PTPRT: variants seen among roughly 807,000 people sequenced by gnomAD.
PTPRT encodes the protein protein tyrosine phosphatase receptor type T.
A neutral mutation model predicts 176.8 loss-of-function variants in PTPRT; 56 were observed. The ratio of observed to expected loss-of-function variants is 0.32; its 90% CI spans 0.26 to 0.40. The LOEUF (loss-of-function observed/expected upper bound fraction) is 0.40. PTPRT is among the 10% of genes least tolerant of loss of function. PTPRT has a pLI of 1.00. For missense variants in PTPRT, 1,540 were observed against 1,908.2 expected (o/e 0.81, Z 3.60); for synonymous variants, 783 against 739.0 (o/e 1.06, Z -0.96).
intron 1 of PTPRT, among the ~76,000 whole-genome samples, chr20:43,064,852 C>A (rs961178012): frequency 1.3e-5 from 2 of 152,164 alleles, no homozygotes; most frequent in Non-Finnish European, 2.9e-5. Context: ...TCCAACAGGC[C>A]GATAAATCCC....
chr20:42,712,800 C>T (rs1259285019), intron 6 of PTPRT, among the ~76,000 whole-genome samples: 1 of 152,144 alleles, frequency 6.6e-6, no homozygotes, highest in Non-Finnish European at 1.5e-5. Context: ...TAAAGATATG[C>T]TTGCACAGTG....
chr20:42,845,058 A>G (rs1157932721), intron 2 of PTPRT, among the ~76,000 whole-genome samples: 1 of 152,170 alleles, frequency 6.6e-6, no homozygotes, highest in East Asian at 1.9e-4. Flanking sequence ...GGTAAGGATG[A>G]AGATGCCCCT....
chr20:42,427,394 A>C (rs535084408), intron 9 of PTPRT, among the ~76,000 whole-genome samples: 1 of 152,332 alleles, frequency 6.6e-6, no homozygotes, highest in Admixed American at 6.5e-5. Flanking sequence ...AAATTACCAC[A>C]GACTGGGTAA....
Position 42,073,037 on chromosome 20 carries a change from CT to C in PTPRT, c.*7841del. ...AAAAAGTTGATTTATTTTGTTTTCT[CT>C]TCTCATACGTGCTTTATCTATCAAA... On this transcript the variant is annotated 3_prime_UTR_variant, in exon 31 of 31. Coordinates refer to ENST00000373187, the MANE Select transcript of PTPRT (RefSeq NM_007050.6). 4.5e-6 allele frequency: 1 copy of C among 221,210 alleles called. No individual in the cohort carries two copies. Among genetic ancestry groups the C allele is most frequent in the Non-Finnish European group, 9.1e-6 (1 of 110,216 alleles). 13.7% of individuals were successfully genotyped at this position (221,210 alleles called of 1,614,324 possible).
At chr20:42,785,108 CACT>C (rs1312121419) in intron 3 of PTPRT, among the ~76,000 whole-genome samples, 1 of 152,132 alleles carries the variant, frequency 6.6e-6, no homozygotes, top group Non-Finnish European at 1.5e-5. Context: ...CAAAATATCA[CACT>C]ACACCCTCTA....
At chr20:42,648,276 C>G (rs942808649) in intron 7 of PTPRT, among the ~76,000 whole-genome samples, 1 of 152,106 alleles carries the variant, frequency 6.6e-6, no homozygotes, top group African/African-American at 2.4e-5. Flanking sequence ...GCTTCATTAA[C>G]AGCAAAAAGG....
intron 1 of PTPRT, among the ~76,000 whole-genome samples, chr20:43,130,648 A>G (rs1409395644): frequency 1.3e-5 from 2 of 152,194 alleles, no homozygotes; most frequent in Non-Finnish European, 2.9e-5. Context: ...CCCTGCAGGT[A>G]TATGCCTCTG....
intron 1 of PTPRT, among the ~76,000 whole-genome samples, chr20:42,947,507 T>C (rs1416204603): frequency 1.3e-5 from 2 of 152,080 alleles, no homozygotes; most frequent in African/African-American, 4.8e-5. Flanking sequence ...TTCAGGCAAA[T>C]AGACAAGGAG....
intron 17 of PTPRT, among the ~76,000 whole-genome samples, chr20:42,147,689 C>G (rs1448370475): frequency 1.3e-5 from 2 of 152,176 alleles, no homozygotes; most frequent in African/African-American, 2.4e-5. Context: ...CCGAACAAAA[C>G]AGTTGTGATA....
chr20:42,422,319 A>G (rs1162726992), intron 9 of PTPRT, among the ~76,000 whole-genome samples: 1 of 152,252 alleles, frequency 6.6e-6, no homozygotes, highest in Non-Finnish European at 1.5e-5. Flanking sequence ...ACAAAGGTCT[A>G]ATATCCAGCA....
chr20:42,639,980 A>G (rs965714816), intron 7 of PTPRT, among the ~76,000 whole-genome samples: 1 of 152,114 alleles, frequency 6.6e-6, no homozygotes, highest in African/African-American at 2.4e-5. Context: ...TTAACCTGCC[A>G]TCTGTCAGCA....
chr20:42,397,247 GT>G lies in PTPRT; in HGVS notation c.1561-44963del, dbSNP rs560723016. Among the ~76,000 whole-genome samples the G allele has an allele frequency of 8.5e-5, 13 of 152,240 alleles. 1 individual carries two copies. Among genetic ancestry groups the G allele is most frequent in the Admixed American group, 8.5e-4 (13 of 15,298 alleles). On this transcript the variant is annotated intron_variant, in intron 9 of 30. Coordinates refer to ENST00000373187, the MANE Select transcript of PTPRT (RefSeq NM_007050.6). ...GCACACAGGTTATAAACAATTTTTT[GT>G]TTTTGTGAAACAAATCTCTAGGAAA...
chr20:42,151,073 T>G (rs912751513), intron 17 of PTPRT, among the ~76,000 whole-genome samples: 8 of 152,132 alleles, frequency 5.3e-5, no homozygotes, highest in African/African-American at 1.7e-4. Context: ...TGAGCCTTTT[T>G]GGTCCACTTG....
rs142617789 is a variant in PTPRT at position 42,154,130 on chromosome 20, G to C, written c.2682+7222C>G. Reference sequence around the variant, plus strand: ...CCATGGATTTCCCATTCATGATTTGGGCGTGGGCCAGTAATTCCTCATGCC... The same window carrying C: ...CCATGGATTTCCCATTCATGATTTGCGCGTGGGCCAGTAATTCCTCATGCC... On this transcript the variant is annotated intron_variant, in intron 17 of 30. Coordinates refer to ENST00000373187, the MANE Select transcript of PTPRT (RefSeq NM_007050.6). Among the ~76,000 whole-genome samples, 18 of 152,236 alleles carry C rather than the reference G, an allele frequency of 1.2e-4. No homozygotes were observed. The East Asian group carries it at 3.5e-3, about 29-fold the overall frequency.
intron 7 of PTPRT, among the ~76,000 whole-genome samples, chr20:42,503,294 A>G (rs2071788189): frequency 2.0e-5 from 3 of 151,920 alleles, no homozygotes; most frequent in Non-Finnish European, 4.4e-5. Flanking sequence ...GATATTCTTC[A>G]TTACTGTAAG....
rs770753852 is a variant in PTPRT at position 42,472,539 on chromosome 20, C to T, written c.1177G>A (p.Val393Met). The T allele has an allele frequency of 1.4e-5, 23 of 1,613,954 alleles. No individual in the cohort carries two copies. Among genetic ancestry groups the T allele is most frequent in the Admixed American group, 3.3e-5 (2 of 60,014 alleles). ...CADPVHGPQN[V>M]EIVDIRARQL... ...CGGGCTCTGATGTCTACGATTTCCA[C>T]GTTCTGTGGGCCATGTACCGGATCT... The change falls in exon 8 of 31, where the codon GTG (valine) becomes ATG (methionine). Residue 393 changes from valine to methionine, a missense_variant. Transcript: ENST00000373187.
chr20:42,590,293 A>T (rs542885911), intron 7 of PTPRT, among the ~76,000 whole-genome samples: 2 of 152,104 alleles, frequency 1.3e-5, no homozygotes, highest in African/African-American at 2.4e-5. Flanking sequence ...GGAGCCCCCA[A>T]ATGAAGCCAC....
intron 1 of PTPRT, among the ~76,000 whole-genome samples, chr20:43,013,517 C>T (rs1430270415): frequency 6.6e-6 from 1 of 152,136 alleles, no homozygotes; most frequent in Non-Finnish European, 1.5e-5. Context: ...ACAGGTGGTA[C>T]AATAGCTAAG....
chr20:42,517,261 T>G (rs568853515), intron 7 of PTPRT, among the ~76,000 whole-genome samples: 9 of 152,126 alleles, frequency 5.9e-5, no homozygotes, highest in Admixed American at 2.0e-4. Flanking sequence ...TTTAATATTT[T>G]TCTACAATTC....
Sources: gnomAD v4.1 joint callset for allele counts (sites outside exome capture counted in the v4.1 genomes callset) on GRCh38, gnomAD v4.1.1 for gene constraint, MANE v1.5 for transcripts, NCBI Gene and HGNC (gene_info 2026-07-23, HGNC 2026-07-21) for gene names.